The following HIVEP1 variants were observed in gnomAD, a reference collection of about 807,000 sequenced individuals.
The protein encoded by HIVEP1 is HIVEP zinc finger 1.
A neutral mutation model predicts 180.0 loss-of-function variants in HIVEP1; 36 were observed. The ratio of observed to expected loss-of-function variants is 0.20; its 90% CI spans 0.15 to 0.26. The LOEUF (loss-of-function observed/expected upper bound fraction) is 0.26, where lower values mean the gene tolerates loss of function less well. HIVEP1 is among the 10% of genes least tolerant of loss of function. The probability of loss-of-function intolerance (pLI) is 1.00; values close to 1 mark genes in which losing one functional copy is unlikely to be tolerated. For synonymous variants in HIVEP1, 1,239 were observed against 1,239.0 expected, an observed-to-expected ratio of 1.00 and a Z score of 0.00; for missense variants, 3,143 against 3,268.7, an observed-to-expected ratio of 0.96 and a Z score of 0.94.
chr6:12,076,359 A>T (rs1772349485), intron 2 of HIVEP1, among the ~76,000 whole-genome samples: 1 of 152,202 alleles, frequency 6.6e-6, no homozygotes, highest in African/African-American at 2.4e-5. Flanking sequence ...AATAGTTCAA[A>T]ATCAGATAAA....
intron 2 of HIVEP1, among the ~76,000 whole-genome samples, chr6:12,088,029 A>C (rs990797706): frequency 4.0e-5 from 6 of 151,596 alleles, no homozygotes; most frequent in Admixed American, 1.3e-4. Flanking sequence ...AGTTGGATCA[A>C]TATGCAATTG....
chr6:12,190,210 A>G, the HIVEP1 span, among the ~76,000 whole-genome samples: 492 of 152,346 alleles, frequency 3.2e-3, no homozygotes, highest in Non-Finnish European at 5.7e-3. Context: ...CACTCTATTT[A>G]TAAAACCTTT....
the HIVEP1 span, among the ~76,000 whole-genome samples, chr6:12,184,698 C>G: frequency 3.3e-5 from 5 of 152,144 alleles, no homozygotes; most frequent in Non-Finnish European, 5.9e-5. Flanking sequence ...TTCTCTGAAG[C>G]AGTTAGAATC....
intron 3 of HIVEP1, among the ~76,000 whole-genome samples, chr6:12,114,706 T>C (rs925191681): frequency 6.6e-6 from 1 of 152,236 alleles, no homozygotes; most frequent in Non-Finnish European, 1.5e-5. Flanking sequence ...TATAATGTTA[T>C]GTTAAGTGGC....
chr6:12,161,623 C>T lies in HIVEP1; in HGVS notation c.6672C>T (p.Asp2224=), dbSNP rs866967923. Residue 2224 remains aspartate, a synonymous_variant, in exon 8 of 9, where the codon GAC becomes GAT. Transcript: ENST00000379388. The stretch of plus-strand genomic sequence containing the variant: ...TTCCATCTAGAAGTAGCCTTCAGGA[C>T]CCTGTGAGTACTGACGAGGATGTCA... ...QHLPSRSSLQ[D]PVSTDEDVRI... The T allele has an allele frequency of 5.6e-6, 9 of 1,614,120 alleles. No individual in the cohort carries two copies. The highest frequency in any genetic ancestry group is 7.6e-6 in the Non-Finnish European group (9 of 1,180,008).
chr6:12,129,592 T>G (rs1214287197), intron 4 of HIVEP1, 167 bp from the exon 5 acceptor site: 1 of 702,608 alleles, frequency 1.4e-6, no homozygotes, highest in Admixed American at 2.0e-5. Flanking sequence ...TGAGACAGAT[T>G]CATAAGGGAG....
chr6:12,211,236 A>G, the HIVEP1 span, among the ~76,000 whole-genome samples: 1 of 102,884 alleles, frequency 9.7e-6, no homozygotes, highest in South Asian at 2.9e-4. Context: ...CGTCTCTACT[A>G]AAAATACAAA....
intron 2 of HIVEP1, among the ~76,000 whole-genome samples, chr6:12,081,198 A>G (rs943153400): frequency 2.0e-5 from 3 of 152,150 alleles, no homozygotes; most frequent in African/African-American, 7.2e-5. Context: ...CGAGTTGCCA[A>G]GCTTTGTAAG....
At chr6:12,109,283 G>C (rs1437748762) in intron 3 of HIVEP1, among the ~76,000 whole-genome samples, 1 of 152,214 alleles carries the variant, frequency 6.6e-6, no homozygotes, top group Non-Finnish European at 1.5e-5. Context: ...GTGAGCCACA[G>C]GGCCCGGCCG....
chr6:12,123,406 G>A lies in HIVEP1; in HGVS notation c.3611G>A (p.Gly1204Glu). Residue 1204 changes from glycine (G) to glutamate (E), a missense_variant, in exon 4 of 9, where the codon GGA (glycine) becomes GAA (glutamate). This residue lies in a region of HIVEP1 where 1,357 missense variants were observed against 1,260.5 expected (regional missense o/e 1.08). Transcript: ENST00000379388. ...CTTGCACTATCAGACGCTCTCAGAG[G>A]AGAACTTCAGGAAAGCTCCAGAAAG... Reference protein sequence around the residue: ...HQLALSDALRGELQESSRKSP... With the variant: ...HQLALSDALREELQESSRKSP... 6.2e-7 allele frequency: 1 copy of A among 1,614,164 alleles called. No homozygotes were observed. The highest frequency in any genetic ancestry group is 1.6e-4 in the Middle Eastern group (1 of 6,062).
At chr6:12,126,818 C>T (rs894064460) in intron 4 of HIVEP1, among the ~76,000 whole-genome samples, 14 of 151,992 alleles carry the variant, frequency 9.2e-5, no homozygotes, top group African/African-American at 2.9e-4. Flanking sequence ...GCTAACTGTT[C>T]AAATTTTTTT....
At chr6:12,066,882 G>GTATA (rs1408950921) in intron 2 of HIVEP1, among the ~76,000 whole-genome samples, 1 of 151,206 alleles carries the variant, frequency 6.6e-6, no homozygotes, top group African/African-American at 2.4e-5. Flanking sequence ...GTGTGTGTGT[G>GTATA]TATATATATA....
chr6:12,161,975 C>G, intron 8 of HIVEP1, 46 bp downstream of exon 8: 3 of 1,522,540 alleles, frequency 2.0e-6, no homozygotes, highest in Non-Finnish European at 2.7e-6. Context: ...TCGTTTTAAC[C>G]TATTAAATAT....
At chr6:12,170,991 A>G in the HIVEP1 span, among the ~76,000 whole-genome samples, 1 of 152,142 alleles carries the variant, frequency 6.6e-6, no homozygotes, top group African/African-American at 2.4e-5. Context: ...TGATGACCCA[A>G]ATAGGTCAGG....
intron 2 of HIVEP1, among the ~76,000 whole-genome samples, chr6:12,030,255 T>C (rs985471005): frequency 2.0e-5 from 3 of 152,204 alleles, no homozygotes; most frequent in African/African-American, 7.2e-5. Flanking sequence ...TGTGATGTGC[T>C]TAGTTGTGGA....
intron 2 of HIVEP1, among the ~76,000 whole-genome samples, chr6:12,045,697 A>T (rs1168471655): frequency 6.6e-6 from 1 of 152,250 alleles, no homozygotes; most frequent in Non-Finnish European, 1.5e-5. Flanking sequence ...ATATGTTAGC[A>T]TGGTGATTTT....
At chr6:12,037,286 C>T (rs962330509) in intron 2 of HIVEP1, among the ~76,000 whole-genome samples, 3 of 152,176 alleles carry the variant, frequency 2.0e-5, no homozygotes, top group Admixed American at 1.3e-4. Flanking sequence ...ATGCCACATT[C>T]TCATAATTTT....
chr6:12,120,213 C>A lies in HIVEP1; in HGVS notation c.418C>A (p.Pro140Thr). 1 of 1,614,190 alleles carries A rather than the reference C, an allele frequency of 6.2e-7. No individual in the cohort carries two copies. Among genetic ancestry groups the A allele is most frequent in the Non-Finnish European group, 8.5e-7 (1 of 1,180,014 alleles). ...AAAGAAGCCCTTGTTTCTGCAGCAA[C>A]CATCTGAACTGCGTAGATGGAGATC... The part of the protein sequence containing the change: ...SPKKPLFLQQ[P>T]SELRRWRSEG... Residue 140 changes from proline (P) to threonine (T), a missense_variant, in exon 4 of 9, where the codon CCA becomes ACA. Transcript: ENST00000379388.
intron 2 of HIVEP1, among the ~76,000 whole-genome samples, chr6:12,043,460 C>G (rs1336957001): frequency 6.7e-6 from 1 of 149,232 alleles, no homozygotes; most frequent in African/African-American, 2.5e-5. Context: ...CTCCCAGGTT[C>G]AAGTGATTCT....
Sources: allele counts gnomAD v4.1 joint callset (sites outside exome capture counted in the v4.1 genomes callset), GRCh38; gene constraint gnomAD v4.1.1; regional missense constraint gnomAD v4.1.1; transcripts MANE v1.5; gene names NCBI Gene and HGNC (gene_info 2026-07-23, HGNC 2026-07-21).